Variants in MSR1 observed in about 807,000 individuals in gnomAD.
The protein encoded by MSR1 is macrophage scavenger receptor 1.
Under a neutral mutation model 47.2 loss-of-function variants are expected in MSR1, and 53 were observed. That is an observed-to-expected ratio of 1.12 (90% CI 0.90 to 1.41). The LOEUF (loss-of-function observed/expected upper bound fraction) is 1.41. Among genes scored for constraint, MSR1 ranks in the 40% most tolerant of loss-of-function variants. The pLI, the probability that MSR1 is intolerant of heterozygous loss-of-function variation, is 0.00. For missense variants in MSR1, 786 were observed against 546.9 expected, an observed-to-expected ratio of 1.44 and a Z score of -4.36; for synonymous variants, 239 against 185.6, an observed-to-expected ratio of 1.29 and a Z score of -2.34.
At position 16,110,107 on chromosome 8, in the gene MSR1, G is replaced by A. The variant is rs376017070; in HGVS notation, c.1334C>T (p.Ala445Val). 1.9e-6 allele frequency: 3 copies of A among 1,613,504 alleles called. No individual in the cohort carries two copies. In the African/African-American group the frequency reaches 4.0e-5, roughly 22 times the overall value. ...GTRACSHSED[A>V]GVTCTL Reference sequence around the variant, plus strand: ...GCATTATAAAGTGCAAGTGACTCCAGCATCTTCAGAATGTGAACAGGCTCT... The same window carrying A: ...GCATTATAAAGTGCAAGTGACTCCAACATCTTCAGAATGTGAACAGGCTCT... Residue 445 changes from alanine to valine, a missense_variant, in exon 10 of 10, where the codon GCT becomes GTT. Ala to Val is a moderately conservative substitution (Grantham distance 64). Transcript: ENST00000262101.
At chr8:16,143,916 T>G (rs575735036) in intron 7 of MSR1, among the ~76,000 whole-genome samples, 1 of 152,096 alleles carries the variant, frequency 6.6e-6, no homozygotes, top group Non-Finnish European at 1.5e-5. Context: ...CTCCTCTTCC[T>G]TTGACTGGGT....
intron 8 of MSR1, among the ~76,000 whole-genome samples, chr8:16,121,714 A>G (rs1458260550): frequency 6.6e-6 from 1 of 151,838 alleles, no homozygotes; most frequent in Non-Finnish European, 1.5e-5. Flanking sequence ...ATAGCTTTTC[A>G]AATATAAGTT....
At chr8:16,135,699 A>T (rs1800372028) in intron 8 of MSR1, among the ~76,000 whole-genome samples, 1 of 152,202 alleles carries the variant, frequency 6.6e-6, no homozygotes, top group Non-Finnish European at 1.5e-5. Flanking sequence ...GAGCAAAGTA[A>T]ATTGAAAACT....
At chr8:16,172,297 C>A (rs1801508402) in intron 3 of MSR1, among the ~76,000 whole-genome samples, 1 of 152,134 alleles carries the variant, frequency 6.6e-6, no homozygotes, top group Admixed American at 6.5e-5. Context: ...TTTAATTTGA[C>A]AACAAGTTAA....
At position 16,120,301 on chromosome 8, in the gene MSR1, C is replaced by A. The variant is rs35229253; in HGVS notation, c.1222+117G>T. 4 of 1,059,412 alleles carry A rather than the reference C, an allele frequency of 3.8e-6. No individual in the cohort carries two copies. The East Asian group carries it at 7.4e-5, about 20-fold the overall frequency. 65.6% of individuals were successfully genotyped at this position (1,059,412 alleles called of 1,614,324 possible). On this transcript the variant is annotated intron_variant, in intron 9 of 9. Transcript: ENST00000262101. The stretch of plus-strand genomic sequence containing the variant: ...CTAAGGGAGGAGAATCGCTTGAATC[C>A]GGGAGGCAGAGGTTGCAGTGAGCCG...
At chr8:16,179,265 C>G (rs1055187576) in intron 1 of MSR1, among the ~76,000 whole-genome samples, 1 of 152,104 alleles carries the variant, frequency 6.6e-6, no homozygotes, top group Non-Finnish European at 1.5e-5. Context: ...TTACAAAAGT[C>G]AATTTTCCCA....
At chr8:16,112,804 T>C (rs187586419) in intron 9 of MSR1, among the ~76,000 whole-genome samples, 1 of 152,098 alleles carries the variant, frequency 6.6e-6, no homozygotes, top group African/African-American at 2.4e-5. Flanking sequence ...TTCTTAGATA[T>C]GTTTTTAATC....
At chr8:16,180,446 T>C (rs992681007) in intron 1 of MSR1, among the ~76,000 whole-genome samples, 1 of 152,164 alleles carries the variant, frequency 6.6e-6, no homozygotes, top group Non-Finnish European at 1.5e-5. Flanking sequence ...GGTGATGCAA[T>C]TGGTCTGAGG....
At chr8:16,191,163 A>G (rs756332477) in intron 1 of MSR1, among the ~76,000 whole-genome samples, 30 of 152,352 alleles carry the variant, frequency 2.0e-4, no homozygotes, top group Non-Finnish European at 3.4e-4. Context: ...AATTAAGATT[A>G]TTTGTGAAAC....
At chr8:16,110,257 G>A in intron 9 of MSR1, 39 bp from the exon 10 acceptor site, 1 of 1,609,430 alleles carries the variant, frequency 6.2e-7, no homozygotes, top group Non-Finnish European at 8.5e-7. Flanking sequence ...TAAGTTTAGA[G>A]TTTAGTGTTT....
chr8:16,148,164 A>G (rs1210338351), intron 7 of MSR1, among the ~76,000 whole-genome samples: 1 of 152,144 alleles, frequency 6.6e-6, no homozygotes, highest in Non-Finnish European at 1.5e-5. Flanking sequence ...CTCTACTTCC[A>G]TACAGCAATT....
chr8:16,150,847 CAT>C (rs1476100697), intron 6 of MSR1, among the ~76,000 whole-genome samples: 1 of 71,146 alleles, frequency 1.4e-5, no homozygotes, highest in Non-Finnish European at 3.0e-5. Context: ...TAAACATAAA[CAT>C]AAACACACAC....
chr8:16,118,583 G>A (rs772508556), intron 9 of MSR1, among the ~76,000 whole-genome samples: 6 of 152,096 alleles, frequency 3.9e-5, no homozygotes, highest in Non-Finnish European at 7.4e-5. Flanking sequence ...GGAGGCTGAG[G>A]AGGGAGAATC....
At chr8:16,178,870 TA>T (rs138181204) in intron 1 of MSR1, among the ~76,000 whole-genome samples, 3 of 151,304 alleles carry the variant, frequency 2.0e-5, no homozygotes, top group South Asian at 2.1e-4. Flanking sequence ...GATGAGCATT[TA>T]AAAAAAAATG....
intron 2 of MSR1, 126 bp downstream of exon 2, chr8:16,177,758 CCT>C (rs1444218904): frequency 9.6e-6 from 7 of 725,500 alleles, no homozygotes; most frequent in Non-Finnish European, 1.7e-5. Context: ...CAAGAATACC[CCT>C]GTTGGTCAAA....
Position 16,128,221 on chromosome 8 carries a change from C to A in MSR1, c.1034-7615G>T, listed in dbSNP as rs978348784. 2.0e-5 allele frequency among the ~76,000 whole-genome samples: 3 copies of A among 152,106 alleles called. No homozygotes were observed. In the East Asian group the frequency reaches 5.8e-4, roughly 29 times the overall value. On this transcript the variant is annotated intron_variant, in intron 8 of 9. Coordinates refer to ENST00000262101, the MANE Select transcript of MSR1 (RefSeq NM_138715.3). ...GAGATCCTGCCCACAGACAGAGGATCAATTCTTGATACCTTCCTATTATGT... is the reference window on the plus strand; with the variant it reads ...GAGATCCTGCCCACAGACAGAGGATAAATTCTTGATACCTTCCTATTATGT...
chr8:16,120,352 G>C lies in MSR1; in HGVS notation c.1222+66C>G, dbSNP rs1370682423. 4 of 1,549,748 alleles carry C rather than the reference G, an allele frequency of 2.6e-6. No individual in the cohort carries two copies. The African/African-American group carries it at 5.4e-5, about 21-fold the overall frequency. ...AGATCGCGCCACTGCACTCCAGTCT[G>C]GGCGACAGAATGAGACTCTGTCTGA... On this transcript the variant is annotated intron_variant, in intron 9 of 9. Coordinates refer to ENST00000262101, the MANE Select transcript of MSR1 (RefSeq NM_138715.3).
chr8:16,121,600 G>A (rs988495129), intron 8 of MSR1, among the ~76,000 whole-genome samples: 3 of 151,550 alleles, frequency 2.0e-5, no homozygotes, highest in African/African-American at 7.3e-5. Flanking sequence ...AGAATGAAAG[G>A]CAGAGATGAA....
intron 9 of MSR1, among the ~76,000 whole-genome samples, chr8:16,117,437 A>G (rs1208365732): frequency 1.3e-5 from 2 of 152,132 alleles, no homozygotes; most frequent in Non-Finnish European, 2.9e-5. Flanking sequence ...GTAGACTCAT[A>G]TCAAAAACCC....
Sources: allele counts gnomAD v4.1 joint callset (sites outside exome capture counted in the v4.1 genomes callset), GRCh38; gene constraint gnomAD v4.1.1; transcripts MANE v1.5; gene names NCBI Gene and HGNC (gene_info 2026-07-23, HGNC 2026-07-21).